Variants in DGAT1 observed in about 807,000 individuals in gnomAD.
DGAT1 encodes ACAT related gene product 1.
Under a neutral mutation model 72.6 loss-of-function variants are expected in DGAT1, and 60 were observed. The observed-to-expected ratio is 0.83, with a 90% CI of 0.67 to 1.02. The LOEUF is 1.02. Ranked by LOEUF, DGAT1 falls within the 50% of genes least tolerant of loss-of-function variation. The pLI, the probability that DGAT1 is intolerant of heterozygous loss-of-function variation, is 0.00. For synonymous variants in DGAT1, 290 were observed against 267.5 expected (o/e 1.08, Z -0.82); for missense variants, 592 against 670.0 (o/e 0.88, Z 1.29).
At position 144,315,859 on chromosome 8, in the gene DGAT1, T is replaced by C. The variant is rs1234159396; in HGVS notation, c.*695A>G. The stretch of plus-strand genomic sequence containing the variant: ...AGGCGAATAGCCATGGACATAGCCA[T>C]TGTGTACCGTAGCCCCTCGGCTCAC... On this transcript the variant is annotated 3_prime_UTR_variant, in exon 17 of 17. Transcript: ENST00000528718. 1.0e-6 allele frequency: 1 copy of C among 985,400 alleles called. No homozygotes were observed. Among genetic ancestry groups the C allele is most frequent in the Non-Finnish European group, 1.2e-6 (1 of 829,982 alleles). The allele number at this position is 985,400 out of a possible 1,614,324, so 61.0% of individuals were successfully genotyped here.
chr8:144,314,819 T>G lies in DGAT1; in HGVS notation c.*1735A>C, dbSNP rs953413515. ...ACAGAAGGGCCGGGCTGCAGTGGCC[T>G]CCTGGGGGAAGACGGATGCTTGCAG... On this transcript the variant is annotated 3_prime_UTR_variant, in exon 17 of 17. Coordinates refer to ENST00000528718, the MANE Select transcript of DGAT1 (RefSeq NM_012079.6). 24 of 838,786 alleles carry G rather than the reference T, an allele frequency of 2.9e-5. No individual in the cohort carries two copies. Among genetic ancestry groups the G allele is most frequent in the Admixed American group, 5.7e-5 (1 of 17,404 alleles). The allele number at this position is 838,786 out of a possible 1,614,324, so 52.0% of individuals were successfully genotyped here. A position where few individuals can be genotyped will look rare whatever the true frequency, so the allele number is the denominator to read the frequency against.
At chr8:144,323,723 A>G (rs1554848447) in intron 1 of DGAT1, among the ~76,000 whole-genome samples, 1 of 152,144 alleles carries the variant, frequency 6.6e-6, no homozygotes, top group East Asian at 1.9e-4. Context: ...GGATCCTCTC[A>G]GTCTCACGGC....
chr8:144,318,638 G>A (rs1817338256), intron 5 of DGAT1, 61 bp downstream of exon 5: 1 of 1,604,436 alleles, frequency 6.2e-7, no homozygotes, highest in Non-Finnish European at 8.5e-7. Flanking sequence ...CTGGGGAGCA[G>A]CTCCTCCCAG....
At chr8:144,319,133 C>T (rs1817369127) in intron 2 of DGAT1, 65 bp from the exon 3 acceptor site, 1 of 1,525,744 alleles carries the variant, frequency 6.6e-7, no homozygotes, top group African/African-American at 1.4e-5. Context: ...CACCCCAGAT[C>T]CTCCCAACAC....
rs1294898553 is a variant in DGAT1 at position 144,315,648 on chromosome 8, T to C, written c.*906A>G. The C allele has an allele frequency of 1.0e-6, 1 of 982,098 alleles. No individual in the cohort carries two copies. The highest frequency in any genetic ancestry group is 1.2e-6 in the Non-Finnish European group (1 of 827,048). 60.8% of individuals were successfully genotyped at this position (982,098 alleles called of 1,614,324 possible). On this transcript the variant is annotated 3_prime_UTR_variant, in exon 17 of 17. Coordinates refer to ENST00000528718, the MANE Select transcript of DGAT1 (RefSeq NM_012079.6). Reference sequence around the variant, plus strand: ...TGGATTGCAGGGCCTGGGAACAAGGTGTCCTGAAGGCTGCAGGGCTGCGCT... The same window carrying C: ...TGGATTGCAGGGCCTGGGAACAAGGCGTCCTGAAGGCTGCAGGGCTGCGCT...
intron 1 of DGAT1, 40 bp downstream of exon 1, chr8:144,326,397 G>T: frequency 7.3e-7 from 1 of 1,377,796 alleles, no homozygotes. Flanking sequence ...AAGTCGCGGG[G>T]CCCTTGGGTC....
chr8:144,326,524 G>T lies in DGAT1; in HGVS notation c.113C>A (p.Pro38His). ...EEEVRDAAAG[P>H]DVGAAGDAPA... ...CGCGTCCCCCGCGGCTCCCACGTCG[G>T]GGCCCGCAGCGGCGTCCCGCACCTC... Residue 38 changes from proline to histidine, a missense_variant, in exon 1 of 17, where the codon CCC becomes CAC. Pro to His is a moderately conservative substitution (Grantham distance 77). Transcript: ENST00000528718. 7.9e-7 allele frequency: 1 copy of T among 1,272,324 alleles called. No individual in the cohort carries two copies. The highest frequency in any genetic ancestry group is 3.2e-5 in the East Asian group (1 of 31,712). 78.8% of individuals were successfully genotyped at this position (1,272,324 alleles called of 1,614,324 possible).
chr8:144,317,584 A>G lies in DGAT1; in HGVS notation c.941T>C (p.Met314Thr), dbSNP rs1554847343. 12 of 1,613,838 alleles carry G rather than the reference A, an allele frequency of 7.4e-6. No homozygotes were observed. The highest frequency in any genetic ancestry group is 1.0e-5 in the Non-Finnish European group (12 of 1,180,020). ...GCGCTCGATGATGCGTGAGTAGTCC[A>G]TGTCCTGCAGAAACAAGCCCTTCAG... ...IQNSMKPFKD[M>T]DYSRIIERLL... is the part of the protein sequence containing the mutation. Residue 314 changes from methionine (M) to threonine (T), a missense_variant, in exon 12 of 17, where the codon ATG (methionine) becomes ACG (threonine). Physicochemically the swap from Met to Thr is moderately conservative, Grantham distance 81 (BLOSUM62 -1). Coordinates refer to ENST00000528718, the MANE Select transcript of DGAT1 (RefSeq NM_012079.6).
intron 2 of DGAT1, 58 bp downstream of exon 2, chr8:144,321,263 G>T: frequency 6.5e-7 from 1 of 1,539,070 alleles, no homozygotes; most frequent in Non-Finnish European, 9.0e-7. Context: ...GCAAAGGCCA[G>T]CCTGGGACAG....
rs782128034 is a variant in DGAT1, at chr8:144,317,451, A to G, written c.982-6T>C. Reference sequence around the variant, plus strand: ...CAGATGAGGTGATTGGGGACCTGGCAGGGAGGTGGGGGTGGGCACCAAGTT... The same window carrying G: ...CAGATGAGGTGATTGGGGACCTGGCGGGGAGGTGGGGGTGGGCACCAAGTT... On this transcript the variant is annotated splice_polypyrimidine_tract_variant and splice_region_variant and intron_variant, in intron 12 of 16. Transcript: ENST00000528718. 6.2e-7 allele frequency: 1 copy of G among 1,613,012 alleles called. No homozygotes were observed. Among genetic ancestry groups the G allele is most frequent in the South Asian group, 1.1e-5 (1 of 91,068 alleles).
chr8:144,321,500 T>C, intron 1 of DGAT1, 92 bp from the exon 2 acceptor site: 1 of 1,174,102 alleles, frequency 8.5e-7, no homozygotes, highest in Non-Finnish European at 1.3e-6. Context: ...AGTGTCCTCG[T>C]CTGCCCTCAG....
Position 144,318,135 on chromosome 8 carries a change from G to T in DGAT1, c.711C>A (p.Ala237=). 1 of 1,561,492 alleles carries T rather than the reference G, an allele frequency of 6.4e-7. No homozygotes were observed. Residue 237 remains alanine (A), a synonymous_variant, in exon 8 of 17, where the codon GCC becomes GCA. Transcript: ENST00000528718. ...TGTCCGGGTAGCTCACGGTGTGCGG[G>T]GCAGCAGCACTGCTGGCCTTCTTCC... ...SAGKKASSAA[A]PHTVSYPDNL...
At chr8:144,324,111 G>A (rs1287167476) in intron 1 of DGAT1, among the ~76,000 whole-genome samples, 3 of 152,240 alleles carry the variant, frequency 2.0e-5, no homozygotes, top group East Asian at 3.8e-4. Context: ...TGGCAGGAGT[G>A]AGCCACAAGC....
chr8:144,318,675 A>G (rs1353938423), intron 5 of DGAT1, 24 bp downstream of exon 5: 1 of 1,608,446 alleles, frequency 6.2e-7, no homozygotes, highest in African/African-American at 1.3e-5. Context: ...GTGAGCACAC[A>G]CGGAGGTGAG....
Position 144,318,560 on chromosome 8 carries a change from G to A in DGAT1, c.475C>T (p.Leu159=). 2 of 1,611,998 alleles carry A rather than the reference G, an allele frequency of 1.2e-6. No individual in the cohort carries two copies. The highest frequency in any genetic ancestry group is 8.5e-7 in the Non-Finnish European group (1 of 1,179,744). Residue 159 remains leucine, a synonymous_variant, in exon 6 of 17, where the codon CTG becomes TTG. Transcript: ENST00000528718. ...QVEKRLAVGA[L]TEQAGLLLHV... ...AGCAGCAGTCCCGCCTGCTCCGTCAGGGCACCCTGGAGTGGGGAGCAGAGC... is the reference window on the plus strand; with the variant it reads ...AGCAGCAGTCCCGCCTGCTCCGTCAAGGCACCCTGGAGTGGGGAGCAGAGC...
chr8:144,317,037 C>T lies in DGAT1; in HGVS notation c.1233G>A (p.Ser411=), dbSNP rs782590742. ...WMARTGVFLA[S]AFFHEYLVSV... is the part of the protein sequence containing the mutation. ...GAGCACTGACCTCGTGGAAGAAGGC[C>T]GAGGCCAGGAACACCCCTGTCCTGG... Residue 411 remains serine (S), a synonymous_variant, in exon 15 of 17, where the codon TCG becomes TCA. Coordinates refer to ENST00000528718, the MANE Select transcript of DGAT1 (RefSeq NM_012079.6). The T allele has an allele frequency of 4.2e-5, 68 of 1,612,234 alleles. No homozygotes were observed. Among genetic ancestry groups the T allele is most frequent in the Non-Finnish European group, 5.2e-5 (61 of 1,179,786 alleles).
In DGAT1 at chr8:144,315,521, TTAATC is replaced by T. The variant is rs1817170966; in HGVS notation, c.*1028_*1032del. 2.0e-6 allele frequency: 2 copies of T among 985,524 alleles called. No individual in the cohort carries two copies. Among genetic ancestry groups the T allele is most frequent in the African/African-American group, 1.7e-5 (1 of 57,364 alleles). 61.0% of individuals were successfully genotyped at this position (985,524 alleles called of 1,614,324 possible). On this transcript the variant is annotated 3_prime_UTR_variant, in exon 17 of 17. Coordinates refer to ENST00000528718, the MANE Select transcript of DGAT1 (RefSeq NM_012079.6). The stretch of plus-strand genomic sequence containing the variant: ...AGGGCCTGGTCCAGTCTTGGGGTCT[TTAATC>T]AAGCAGTCACCCCAGCAAGGTAAGG...
In DGAT1 at chr8:144,316,664, C is replaced by T. The variant is rs1345060234; in HGVS notation, c.1357G>A (p.Gly453Ser). 6.2e-7 allele frequency: 1 copy of T among 1,612,020 alleles called. No homozygotes were observed. Among genetic ancestry groups the T allele is most frequent in the East Asian group, 2.2e-5 (1 of 44,854 alleles). ...FVGRFFQGNY[G>S]NAAVWLSLII... is the part of the protein sequence containing the mutation. ...AGCGACAGCCACACAGCTGCGTTGC[C>T]ATAGTTGCCCTGGAAAAAGCGGCCC... is the stretch of plus-strand genomic sequence containing the variant. The change falls in exon 17 of 17, where the codon GGC (glycine) becomes AGC (serine). Residue 453 changes from glycine (G) to serine (S), a missense_variant. Transcript: ENST00000528718.
rs534066378 is a variant in DGAT1, at chr8:144,321,638, C to A, written c.201-230G>T. Among the ~76,000 whole-genome samples the A allele has an allele frequency of 1.3e-4, 20 of 152,368 alleles. No homozygotes were observed. The East Asian group carries it at 3.5e-3, about 26-fold the overall frequency. ...CCTCCAGGCAGCGGGACGAGCATGTCAGGGTCAGAAGCAAGCCCAGCTGGC... is the reference window on the plus strand; with the variant it reads ...CCTCCAGGCAGCGGGACGAGCATGTAAGGGTCAGAAGCAAGCCCAGCTGGC... On this transcript the variant is annotated intron_variant, in intron 1 of 16. Transcript: ENST00000528718.
Sources: allele counts gnomAD v4.1 joint callset (sites outside exome capture counted in the v4.1 genomes callset), GRCh38; gene constraint gnomAD v4.1.1; transcripts MANE v1.5; gene names NCBI Gene and HGNC (gene_info 2026-07-23, HGNC 2026-07-21).